PXDNL: variants seen among roughly 807,000 people sequenced by gnomAD.
PXDNL encodes probable oxidoreductase PXDNL.
Under a neutral mutation model 150.8 loss-of-function variants are expected in PXDNL, and 145 were observed. The observed-to-expected ratio is 0.96, with a 90% CI of 0.84 to 1.10. PXDNL has a LOEUF of 1.10. PXDNL is among the 50% of genes least tolerant of loss of function. PXDNL has a pLI of 0.00. For missense variants in PXDNL, 2,087 were observed against 1,873.9 expected, an observed-to-expected ratio of 1.11 and a Z score of -2.10; for synonymous variants, 757 against 725.7, an observed-to-expected ratio of 1.04 and a Z score of -0.69.
intron 1 of PXDNL, among the ~76,000 whole-genome samples, chr8:51,673,301 CTAT>C (rs1815537988): frequency 1.3e-5 from 2 of 152,036 alleles, no homozygotes; most frequent in Non-Finnish European, 2.9e-5. Context: ...ATAGGAAAAC[CTAT>C]AAGAAAAGAT....
intron 21 of PXDNL, among the ~76,000 whole-genome samples, chr8:51,325,441 T>A (rs1805452930): frequency 6.6e-6 from 1 of 152,194 alleles, no homozygotes. Context: ...ACAAAGGGGT[T>A]CTCTTCATTA....
intron 17 of PXDNL, among the ~76,000 whole-genome samples, chr8:51,405,927 G>C (rs1471370140): frequency 6.6e-6 from 1 of 152,202 alleles, no homozygotes; most frequent in African/African-American, 2.4e-5. Context: ...AGGCTGCACA[G>C]ACTCTTGGGG....
chr8:51,789,123 G>C (rs2037486851), intron 1 of PXDNL, among the ~76,000 whole-genome samples: 1 of 151,580 alleles, frequency 6.6e-6, no homozygotes, highest in Non-Finnish European at 1.5e-5. Context: ...TATTCTGTAA[G>C]ACAAATTTCA....
intron 1 of PXDNL, among the ~76,000 whole-genome samples, chr8:51,791,077 C>G (rs1295515060): frequency 2.0e-5 from 3 of 152,048 alleles, no homozygotes. Flanking sequence ...GAGACTGACA[C>G]CAAAGGATTG....
At chr8:51,801,766 T>C (rs1585761459) in intron 1 of PXDNL, among the ~76,000 whole-genome samples, 1 of 152,230 alleles carries the variant, frequency 6.6e-6, no homozygotes, top group East Asian at 1.9e-4. Flanking sequence ...AATTGTATTG[T>C]GGCTGGACTG....
intron 1 of PXDNL, among the ~76,000 whole-genome samples, chr8:51,734,964 T>C (rs1327915164): frequency 2.0e-5 from 3 of 152,190 alleles, no homozygotes; most frequent in African/African-American, 7.2e-5. Context: ...GAAGAATAAG[T>C]TCAGGAGATC....
At chr8:51,582,591 C>T (rs1813231951) in intron 3 of PXDNL, among the ~76,000 whole-genome samples, 1 of 152,154 alleles carries the variant, frequency 6.6e-6, no homozygotes, top group African/African-American at 2.4e-5. Context: ...ATTACCTTAT[C>T]TGATGCTTAG....
chr8:51,501,155 T>C (rs958255144), intron 4 of PXDNL, among the ~76,000 whole-genome samples: 5 of 152,136 alleles, frequency 3.3e-5, no homozygotes, highest in African/African-American at 1.2e-4. Flanking sequence ...CTCCCAGGAG[T>C]TCTGTTCATT....
At chr8:51,501,267 T>C (rs913219750) in intron 4 of PXDNL, among the ~76,000 whole-genome samples, 2 of 152,046 alleles carry the variant, frequency 1.3e-5, no homozygotes, top group Admixed American at 6.6e-5. Context: ...CCTTGAATTA[T>C]ACACACACTC....
intron 2 of PXDNL, among the ~76,000 whole-genome samples, chr8:51,605,263 G>T (rs1362804736): frequency 6.6e-6 from 1 of 152,052 alleles, no homozygotes; most frequent in African/African-American, 2.4e-5. Context: ...GTCAAGATGA[G>T]AAACTATCAA....
intron 2 of PXDNL, among the ~76,000 whole-genome samples, chr8:51,624,258 T>C (rs558466633): frequency 6.6e-6 from 1 of 152,244 alleles, no homozygotes; most frequent in East Asian, 1.9e-4. Flanking sequence ...AGACCGGTGG[T>C]ATTTACCTCT....
At chr8:51,347,695 G>A (rs556003619) in intron 19 of PXDNL, among the ~76,000 whole-genome samples, 9 of 148,372 alleles carry the variant, frequency 6.1e-5, no homozygotes, top group African/African-American at 1.6e-4. Context: ...CTCATGCCTC[G>A]GCCTCCCAAA....
At chr8:51,546,963 C>G (rs1812372998) in intron 4 of PXDNL, among the ~76,000 whole-genome samples, 1 of 152,146 alleles carries the variant, frequency 6.6e-6, no homozygotes, top group South Asian at 2.1e-4. Context: ...CAAAGAACCA[C>G]CCGCTCAATC....
chr8:51,708,979 G>T (rs1816440617), intron 1 of PXDNL, among the ~76,000 whole-genome samples: 1 of 152,040 alleles, frequency 6.6e-6, no homozygotes, highest in Admixed American at 6.6e-5. Context: ...GAAATGACAT[G>T]TTTGGGGATT....
intron 1 of PXDNL, among the ~76,000 whole-genome samples, chr8:51,760,632 ACT>A (rs988081353): frequency 3.3e-5 from 5 of 152,162 alleles, no homozygotes; most frequent in African/African-American, 1.2e-4. Flanking sequence ...AATAATATGA[ACT>A]GGTGGCATTT....
intron 4 of PXDNL, among the ~76,000 whole-genome samples, chr8:51,515,531 G>A (rs1811517984): frequency 6.6e-6 from 1 of 152,176 alleles, no homozygotes; most frequent in African/African-American, 2.4e-5. Flanking sequence ...CCCTGTCCAT[G>A]GCAAAAGTCC....
chr8:51,554,767 C>G (rs1233198683), intron 4 of PXDNL, among the ~76,000 whole-genome samples: 9 of 152,302 alleles, frequency 5.9e-5, no homozygotes, highest in African/African-American at 2.2e-4. Flanking sequence ...TGTCCAAGAC[C>G]CCATCAGAAT....
At chr8:51,617,573 T>C (rs1394227412) in intron 2 of PXDNL, among the ~76,000 whole-genome samples, 1 of 152,236 alleles carries the variant, frequency 6.6e-6, no homozygotes, top group Non-Finnish European at 1.5e-5. Context: ...TTCGAACAGA[T>C]AATGACTTCA....
chr8:51,416,262 A>G (rs1016039087), intron 14 of PXDNL, among the ~76,000 whole-genome samples: 1 of 152,256 alleles, frequency 6.6e-6, no homozygotes, highest in Non-Finnish European at 1.5e-5. Flanking sequence ...CGTACAGGAC[A>G]TAGTGCTATT....
Sources: allele counts gnomAD v4.1 joint callset (sites outside exome capture counted in the v4.1 genomes callset), GRCh38; gene constraint gnomAD v4.1.1; transcripts MANE v1.5; gene names NCBI Gene and HGNC (gene_info 2026-07-23, HGNC 2026-07-21).